SH3RF3: variants seen among roughly 807,000 people sequenced by gnomAD.
SH3RF3 encodes the protein E3 ubiquitin-protein ligase SH3RF3.
A neutral mutation model predicts 66.3 loss-of-function variants in SH3RF3; 29 were observed. The observed-to-expected ratio is 0.44, with a 90% CI of 0.33 to 0.60. The LOEUF is 0.60. Ranked by LOEUF, SH3RF3 falls within the 20% of genes least tolerant of loss-of-function variation. The probability of loss-of-function intolerance (pLI) is 0.04; values close to 1 mark genes in which losing one functional copy is unlikely to be tolerated. For synonymous variants in SH3RF3, 583 were observed against 532.0 expected, an observed-to-expected ratio of 1.10 and a Z score of -1.32; for missense variants, 1,194 against 1,190.9, an observed-to-expected ratio of 1.00 and a Z score of -0.04.
At chr2:109,420,378 T>C (rs1676839865) in intron 5 of SH3RF3, among the ~76,000 whole-genome samples, 1 of 152,174 alleles carries the variant, frequency 6.6e-6, no homozygotes, top group Non-Finnish European at 1.5e-5. Context: ...TGGGTAGACG[T>C]CAGAGGGACA....
intron 1 of SH3RF3, among the ~76,000 whole-genome samples, chr2:109,321,761 A>G (rs1261255106): frequency 6.6e-6 from 1 of 152,232 alleles, no homozygotes; most frequent in African/African-American, 2.4e-5. Context: ...TCTACTTCCA[A>G]CTACTGTTAT....
rs1679470788 is a variant in SH3RF3, at chr2:109,504,202, A to T, written c.*2531A>T. On this transcript the variant is annotated 3_prime_UTR_variant, in exon 10 of 10. Coordinates refer to ENST00000309415, the MANE Select transcript of SH3RF3 (RefSeq NM_001099289.3). ...TACACATGTTTGGCGGTTAAGATGAAACTAACCCTTATGTTTCATCCTGGC... is the reference window on the plus strand; with the variant it reads ...TACACATGTTTGGCGGTTAAGATGATACTAACCCTTATGTTTCATCCTGGC... The T allele has an allele frequency of 6.6e-6, 1 of 152,226 alleles. No individual in the cohort carries two copies. The highest frequency in any genetic ancestry group is 2.1e-4 in the South Asian group (1 of 4,828). The allele number at this position is 152,226 out of a possible 1,614,324, so 9.4% of individuals were successfully genotyped here.
chr2:109,189,367 C>CT (rs5833320), intron 1 of SH3RF3, among the ~76,000 whole-genome samples: 115,652 of 147,936 alleles, frequency 0.78, 45,413 homozygotes, highest in South Asian at 0.85. Flanking sequence ...AGTCGTTTGA[C>CT]TTTTTTTTTT....
Position 109,300,883 on chromosome 2 carries a change from T to C in SH3RF3, c.574-46791T>C, listed in dbSNP as rs539116012. Among the ~76,000 whole-genome samples, 8 of 152,268 alleles carry C rather than the reference T, an allele frequency of 5.3e-5. No homozygotes were observed. The South Asian group carries it at 1.2e-3, about 24-fold the overall frequency. On this transcript the variant is annotated intron_variant, in intron 1 of 9. Coordinates refer to ENST00000309415, the MANE Select transcript of SH3RF3 (RefSeq NM_001099289.3). ...GACTTAAAAAGCAAGCAGAGTGCCC[T>C]CTCTGCTGCTTTGGAGGCAGCTGGG...
rs535653583 is a variant in SH3RF3 at position 109,332,413 on chromosome 2, C to T, written c.574-15261C>T. Among the ~76,000 whole-genome samples the T allele has an allele frequency of 2.0e-5, 3 of 152,280 alleles. No homozygotes were observed. The South Asian group carries it at 6.2e-4, about 32-fold the overall frequency. On this transcript the variant is annotated intron_variant, in intron 1 of 9. Transcript: ENST00000309415. ...TGACACTCCCGCGACTCCCCCAGCA[C>T]CCCGAGCAGGGTGCAGGTCTTCCTG...
At chr2:109,202,620 C>T (rs912630937) in intron 1 of SH3RF3, among the ~76,000 whole-genome samples, 1 of 152,122 alleles carries the variant, frequency 6.6e-6, no homozygotes, top group African/African-American at 2.4e-5. Flanking sequence ...GAGGGTGAGG[C>T]GTCAGCCCGG....
rs775696176 is a variant in SH3RF3 at position 109,130,104 on chromosome 2, G to A, written c.564G>A (p.Pro188=). The change falls in exon 1 of 10, where the codon CCG becomes CCA. Residue 188 remains proline (P), a synonymous_variant. Coordinates refer to ENST00000309415, the MANE Select transcript of SH3RF3 (RefSeq NM_001099289.3). ...LRELATSRTA[P]AAKNPCLLPY... ...AGCTGGCGACCAGCAGGACCGCGCC[G>A]GCGGCAAAGGTGAGTATCTGTCTCG... is the stretch of plus-strand genomic sequence containing the variant. 1.6e-5 allele frequency: 21 copies of A among 1,330,148 alleles called. No homozygotes were observed. In the South Asian group the frequency reaches 3.2e-4, roughly 20 times the overall value. The allele number at this position is 1,330,148 out of a possible 1,614,324, so 82.4% of individuals were successfully genotyped here. A position where few individuals can be genotyped will look rare whatever the true frequency, so the allele number is the denominator to read the frequency against.
intron 8 of SH3RF3, among the ~76,000 whole-genome samples, chr2:109,472,234 T>C (rs1678535752): frequency 6.6e-6 from 1 of 152,054 alleles, no homozygotes; most frequent in Non-Finnish European, 1.5e-5. Flanking sequence ...TCAGGGCACT[T>C]ATTCAGGGAG....
At chr2:109,410,311 G>C (rs1243560886) in intron 4 of SH3RF3, among the ~76,000 whole-genome samples, 2 of 152,230 alleles carry the variant, frequency 1.3e-5, no homozygotes, top group African/African-American at 2.4e-5. Flanking sequence ...CCATTCACCT[G>C]TGAGCTCTGT....
At chr2:109,432,929 C>T (rs1302612272) in intron 6 of SH3RF3, among the ~76,000 whole-genome samples, 4 of 152,244 alleles carry the variant, frequency 2.6e-5, no homozygotes, top group African/African-American at 9.6e-5. Context: ...GGAGCAGGGA[C>T]AGGAAAGTCA....
intron 1 of SH3RF3, among the ~76,000 whole-genome samples, chr2:109,325,017 C>T (rs992255273): frequency 6.6e-6 from 1 of 150,482 alleles, no homozygotes; most frequent in African/African-American, 2.4e-5. Flanking sequence ...CTTTGGCTTG[C>T]GTAAGAGATG....
intron 4 of SH3RF3, among the ~76,000 whole-genome samples, chr2:109,416,878 C>T (rs1030946687): frequency 1.3e-5 from 2 of 148,696 alleles, no homozygotes; most frequent in South Asian, 4.3e-4. Context: ...GCATTCCAGC[C>T]TGGGCGACAG....
intron 3 of SH3RF3, among the ~76,000 whole-genome samples, chr2:109,391,920 C>T (rs562498561): frequency 1.9e-4 from 29 of 152,086 alleles, no homozygotes; most frequent in Non-Finnish European, 4.0e-4. Context: ...CAGGCTCAAG[C>T]GATCCTCCCA....
intron 4 of SH3RF3, among the ~76,000 whole-genome samples, chr2:109,407,325 C>T (rs1209362812): frequency 6.6e-6 from 1 of 152,212 alleles, no homozygotes; most frequent in Non-Finnish European, 1.5e-5. Context: ...CATCAAAAGA[C>T]AGCATTTCTC....
intron 1 of SH3RF3, among the ~76,000 whole-genome samples, chr2:109,327,385 T>A (rs1682183594): frequency 6.6e-6 from 1 of 152,238 alleles, no homozygotes; most frequent in Admixed American, 6.5e-5. Context: ...TATTTGTCTA[T>A]TGTTGATTAA....
chr2:109,189,114 G>T (rs186649604), intron 1 of SH3RF3, among the ~76,000 whole-genome samples: 1 of 152,024 alleles, frequency 6.6e-6, no homozygotes, highest in African/African-American at 2.4e-5. Flanking sequence ...TGCCTCCACT[G>T]CCTTGCTAGC....
rs1681688086 is a variant in SH3RF3, at chr2:109,309,952, G to C, written c.574-37722G>C. 1.6e-5 allele frequency among the ~76,000 whole-genome samples: 2 copies of C among 124,442 alleles called. 1 individual carries two copies. The allele number at this position is 124,442 out of a possible 152,430, so 81.6% of individuals were successfully genotyped here. ...ATCAACGAGACAGAAAGTCAACAAGGATACCCAAGAATTGAACTCAGCTCT... is the reference window on the plus strand; with the variant it reads ...ATCAACGAGACAGAAAGTCAACAAGCATACCCAAGAATTGAACTCAGCTCT... On this transcript the variant is annotated intron_variant, in intron 1 of 9. Coordinates refer to ENST00000309415, the MANE Select transcript of SH3RF3 (RefSeq NM_001099289.3).
chr2:109,176,756 G>A (rs1242881702), intron 1 of SH3RF3, among the ~76,000 whole-genome samples: 1 of 152,148 alleles, frequency 6.6e-6, no homozygotes, highest in Non-Finnish European at 1.5e-5. Context: ...AGGCATAGGG[G>A]CATGGAAACA....
chr2:109,280,954 C>T (rs1680875268), intron 1 of SH3RF3, among the ~76,000 whole-genome samples: 1 of 152,182 alleles, frequency 6.6e-6, no homozygotes, highest in Non-Finnish European at 1.5e-5. Flanking sequence ...GCATCAGGTT[C>T]CCTAGGTGGC....
Sources: allele counts gnomAD v4.1 joint callset (sites outside exome capture counted in the v4.1 genomes callset), GRCh38; gene constraint gnomAD v4.1.1; transcripts MANE v1.5; gene names NCBI Gene and HGNC (gene_info 2026-07-23, HGNC 2026-07-21).